FOXP2: variants seen among roughly 807,000 people sequenced by gnomAD.
FOXP2 encodes the protein forkhead box protein P2.
In FOXP2, 12 loss-of-function variants were observed where a neutral mutation model predicts 115.8. The ratio of observed to expected loss-of-function variants is 0.10; its 90% CI spans 0.07 to 0.17. The LOEUF is 0.17. FOXP2 is among the 10% of genes least tolerant of loss of function. FOXP2 has a pLI of 1.00. For missense variants in FOXP2, 629 were observed against 843.5 expected, an observed-to-expected ratio of 0.75 and a Z score of 3.15; for synonymous variants, 328 against 297.7, an observed-to-expected ratio of 1.10 and a Z score of -1.05.
intron 2 of FOXP2, among the ~76,000 whole-genome samples, chr7:114,467,540 A>G (rs1795858344): frequency 6.6e-6 from 1 of 152,106 alleles, no homozygotes; most frequent in Admixed American, 6.6e-5. Context: ...CATAAGTTGC[A>G]ACTATTGCAA....
chr7:114,525,209 C>T (rs1798802176), intron 2 of FOXP2, among the ~76,000 whole-genome samples: 1 of 152,100 alleles, frequency 6.6e-6, no homozygotes, highest in Admixed American at 6.5e-5. Flanking sequence ...TATATATTTC[C>T]AAGCATCATA....
chr7:114,580,968 C>A (rs548594855), intron 3 of FOXP2, among the ~76,000 whole-genome samples: 2 of 151,628 alleles, frequency 1.3e-5, no homozygotes, highest in South Asian at 4.2e-4. Context: ...CAACACAAGA[C>A]ACTGGGTAAA....
chr7:114,250,981 A>T (rs1795427278), intron 1 of FOXP2, among the ~76,000 whole-genome samples: 2 of 152,022 alleles, frequency 1.3e-5, no homozygotes, highest in African/African-American at 4.8e-5. Flanking sequence ...TGTATAAGGA[A>T]AAAGAAGGGA....
Position 114,658,154 on chromosome 7 carries a change from C to T in FOXP2, c.1355C>T (p.Ala452Val), listed in dbSNP as rs189863975. 2 of 1,613,944 alleles carry T rather than the reference C, an allele frequency of 1.2e-6. No homozygotes were observed. The highest frequency in any genetic ancestry group is 2.2e-5 in the East Asian group (1 of 44,860). ...CCTCAAACCCCTACCACACCAACGG[C>T]CCCAGTCACCCCGATTACCCAGGGA... is the stretch of plus-strand genomic sequence containing the variant. The part of the protein sequence containing the change: ...SLPQTPTTPT[A>V]PVTPITQGPS... The change falls in exon 11 of 17, where the codon GCC (alanine) becomes GTC (valine). Residue 452 changes from alanine to valine, a missense_variant. Ala to Val is a moderately conservative substitution (Grantham distance 64, BLOSUM62 0). This residue lies in a region of FOXP2 where 101 missense variants were observed against 116.0 expected (regional missense o/e 0.87). Coordinates refer to ENST00000350908, the MANE Select transcript of FOXP2 (RefSeq NM_014491.4).
At chr7:114,169,241 G>A (rs1793069362) in intron 1 of FOXP2, among the ~76,000 whole-genome samples, 2 of 152,202 alleles carry the variant, frequency 1.3e-5, no homozygotes, top group Admixed American at 6.5e-5. Context: ...GCCTGGAAAA[G>A]CCACAGTCAC....
At chr7:114,575,682 A>T (rs150269316) in intron 3 of FOXP2, among the ~76,000 whole-genome samples, 1 of 151,882 alleles carries the variant, frequency 6.6e-6, no homozygotes, top group Non-Finnish European at 1.5e-5. Flanking sequence ...TTGTCCCCCA[A>T]TTGTCTGTAT....
chr7:114,435,322 T>C (rs1483804279), intron 2 of FOXP2, among the ~76,000 whole-genome samples: 1 of 151,890 alleles, frequency 6.6e-6, no homozygotes, highest in Non-Finnish European at 1.5e-5. Flanking sequence ...AGAGAGAGGA[T>C]CAATCGGCAG....
chr7:114,154,216 T>C (rs1792598044), intron 1 of FOXP2, among the ~76,000 whole-genome samples: 1 of 152,160 alleles, frequency 6.6e-6, no homozygotes, highest in South Asian at 2.1e-4. Context: ...TTAAATACTA[T>C]GAAAGCATTA....
intron 1 of FOXP2, among the ~76,000 whole-genome samples, chr7:114,172,329 C>T (rs1456839647): frequency 6.6e-6 from 1 of 152,054 alleles, no homozygotes; most frequent in African/African-American, 2.4e-5. Context: ...TAAAACTTAT[C>T]AGTGGTTGCC....
chr7:114,196,867 A>G (rs935945374), intron 1 of FOXP2, among the ~76,000 whole-genome samples: 1 of 152,142 alleles, frequency 6.6e-6, no homozygotes, highest in Non-Finnish European at 1.5e-5. Flanking sequence ...TAACATATGC[A>G]TCATCTTGAG....
chr7:114,382,448 G>A (rs765830714), intron 2 of FOXP2, among the ~76,000 whole-genome samples: 15 of 152,158 alleles, frequency 9.9e-5, no homozygotes, highest in Non-Finnish European at 1.6e-4. Context: ...CGAGGTGGTG[G>A]CTTATTTCTA....
chr7:114,376,246 A>C (rs771951390), intron 2 of FOXP2, among the ~76,000 whole-genome samples: 4 of 152,254 alleles, frequency 2.6e-5, no homozygotes, highest in Non-Finnish European at 5.9e-5. Flanking sequence ...TCTGGATAGC[A>C]ATAAGGCCAT....
intron 3 of FOXP2, among the ~76,000 whole-genome samples, chr7:114,564,309 T>C (rs374166257): frequency 1.2e-3 from 183 of 152,242 alleles, no homozygotes; most frequent in African/African-American, 3.9e-3. Context: ...AGCTAGAAAA[T>C]GCCTTCTTTC....
intron 1 of FOXP2, among the ~76,000 whole-genome samples, chr7:114,152,642 T>C (rs1287217679): frequency 6.6e-6 from 1 of 152,140 alleles, no homozygotes; most frequent in Admixed American, 6.5e-5. Context: ...AAAAGACAAC[T>C]GTGATTTCTG....
intron 1 of FOXP2, among the ~76,000 whole-genome samples, chr7:114,242,574 A>T (rs980220406): frequency 6.6e-5 from 10 of 152,188 alleles, no homozygotes; most frequent in Admixed American, 5.2e-4. Context: ...GAGACCCAGA[A>T]TGTCAATATC....
At chr7:114,338,065 T>C (rs994744208) in intron 2 of FOXP2, among the ~76,000 whole-genome samples, 5 of 151,226 alleles carry the variant, frequency 3.3e-5, no homozygotes, top group African/African-American at 1.2e-4. Context: ...TTGAGTGTTA[T>C]TAATGATAGC....
chr7:114,369,421 T>C (rs1791952091), intron 2 of FOXP2, among the ~76,000 whole-genome samples: 1 of 152,126 alleles, frequency 6.6e-6, no homozygotes, highest in South Asian at 2.1e-4. Context: ...TTCTGTTCAA[T>C]CTACTTGGAG....
chr7:114,390,522 G>GTATT (rs6150298), intron 2 of FOXP2, among the ~76,000 whole-genome samples: 91 of 148,342 alleles, frequency 6.1e-4, no homozygotes, highest in African/African-American at 1.8e-3. Context: ...TTTTATTTAT[G>GTATT]TATTTATTTA....
chr7:114,136,938 G>A (rs1309489037), intron 1 of FOXP2, among the ~76,000 whole-genome samples: 1 of 151,908 alleles, frequency 6.6e-6, no homozygotes, highest in Middle Eastern at 3.2e-3. Flanking sequence ...AATCCTAACA[G>A]CTGACTGATA....
Sources: allele counts gnomAD v4.1 joint callset (sites outside exome capture counted in the v4.1 genomes callset), GRCh38; gene constraint gnomAD v4.1.1; regional missense constraint gnomAD v4.1.1; transcripts MANE v1.5; gene names NCBI Gene and HGNC (gene_info 2026-07-23, HGNC 2026-07-21).